The following DNAH10 variants were observed in gnomAD, a reference collection of about 807,000 sequenced individuals.
The protein encoded by DNAH10 is dynein axonemal heavy chain 10.
A neutral mutation model predicts 506.6 loss-of-function variants in DNAH10; 348 were observed. The observed-to-expected ratio is 0.69, with a 90% confidence interval of 0.63 to 0.75. The LOEUF is 0.75. Among genes scored for constraint, DNAH10 ranks in the 30% least tolerant of loss-of-function variants. The pLI is 0.00. For synonymous variants in DNAH10, 2,059 were observed against 2,198.6 expected, an observed-to-expected ratio of 0.94 and a Z score of 1.78; for missense variants, 5,179 against 5,787.1, an observed-to-expected ratio of 0.89 and a Z score of 3.41.
At chr12:123,852,036 G>C (rs571616397) in intron 35 of DNAH10, among the ~76,000 whole-genome samples, 26 of 152,256 alleles carry the variant, frequency 1.7e-4, no homozygotes, top group African/African-American at 6.0e-4. Flanking sequence ...CTCCCGAGTA[G>C]CTGGGACTAC....
chr12:123,933,351 C>T lies in DNAH10; in HGVS notation c.13317C>T (p.Ser4439=), dbSNP rs765240649. 7.5e-6 allele frequency: 12 copies of T among 1,594,006 alleles called. No homozygotes were observed. The highest frequency in any genetic ancestry group is 3.4e-5 in the Admixed American group (2 of 58,306). Residue 4439 remains serine (S), a synonymous_variant, in exon 77 of 79, where the codon AGC becomes AGT. Coordinates refer to ENST00000673944, the MANE Select transcript of DNAH10 (RefSeq NM_001372106.1). The part of the protein sequence containing the change: ...YMLWVTESEP[S]VMWLSGLHIP... ...TCCAGGTGACCGAGAGCGAGCCCAG[C>T]GTGATGTGGCTCTCGGGGCTGCACA... is the stretch of plus-strand genomic sequence containing the variant.
chr12:123,904,524 G>C (rs548849723), intron 57 of DNAH10, among the ~76,000 whole-genome samples: 4 of 152,074 alleles, frequency 2.6e-5, no homozygotes, highest in East Asian at 3.9e-4. Flanking sequence ...TGGAGGAGTG[G>C]GGGGGAGCTT....
chr12:123,930,573 G>A lies in DNAH10; in HGVS notation c.12784G>A (p.Glu4262Lys). Reference protein sequence around the residue: ...PVGDEKEKFVEAIEALPLANT... With the variant: ...PVGDEKEKFVKAIEALPLANT... ...TGGTGATGAAAAGGAGAAATTTGTT[G>A]GTGAGATTTCTCAGACATGAAAAGA... The change falls in exon 73 of 79, where the codon GAA becomes AAA. Residue 4262 changes from glutamate (E) to lysine (K), a missense_variant and splice_region_variant. Glu to Lys is a moderately conservative substitution (Grantham distance 56, BLOSUM62 1). Coordinates refer to ENST00000673944, the MANE Select transcript of DNAH10 (RefSeq NM_001372106.1). 1 of 1,605,066 alleles carries A rather than the reference G, an allele frequency of 6.2e-7. No individual in the cohort carries two copies. Among genetic ancestry groups the A allele is most frequent in the Non-Finnish European group, 8.5e-7 (1 of 1,177,560 alleles).
Position 123,820,601 on chromosome 12 carries a change from A to G in DNAH10, c.4022A>G (p.Tyr1341Cys). 6.2e-7 allele frequency: 1 copy of G among 1,613,952 alleles called. No individual in the cohort carries two copies. The highest frequency in any genetic ancestry group is 1.1e-5 in the South Asian group (1 of 91,082). ...LDKGVELLGV[Y>C]ERELARHEKS... Reference sequence around the variant, plus strand: ...CTAGGAGTAGAGCTTTTAGGTGTTTATGAAAGAGAGCTGGCAAGACATGAA... The same window carrying G: ...CTAGGAGTAGAGCTTTTAGGTGTTTGTGAAAGAGAGCTGGCAAGACATGAA... The change falls in exon 24 of 79, where the codon TAT becomes TGT. Residue 1341 changes from tyrosine to cysteine, a missense_variant. Around this residue, in one of 3 missense-constraint regions of DNAH10, gnomAD observed 4,844 missense variants for 5,430.5 expected, o/e 0.89. Coordinates refer to ENST00000673944, the MANE Select transcript of DNAH10 (RefSeq NM_001372106.1).
In DNAH10 at chr12:123,789,978, G is replaced by A. The variant is rs772303524; in HGVS notation, c.1672G>A (p.Gly558Arg). ...TGGTCCAGAACTAAAGGCAGTGACG[G>A]GGGACCCCAAGCGCATTGATGATGT... ...IFGPELKAVT[G>R]DPKRIDDVLC... is the part of the protein sequence containing the mutation. The change falls in exon 11 of 79, where the codon GGG becomes AGG. Residue 558 changes from glycine (G) to arginine (R), a missense_variant. By Grantham distance (125) the Gly-to-Arg change is moderately radical. Coordinates refer to ENST00000673944, the MANE Select transcript of DNAH10 (RefSeq NM_001372106.1). 4 of 1,613,964 alleles carry A rather than the reference G, an allele frequency of 2.5e-6. No homozygotes were observed. The African/African-American group carries it at 5.3e-5, about 22-fold the overall frequency.
At chr12:123,893,186 A>G (rs1297627188) in intron 52 of DNAH10, 47 bp from the exon 53 acceptor site, 5 of 1,584,916 alleles carry the variant, frequency 3.2e-6, no homozygotes, top group East Asian at 2.2e-5. Flanking sequence ...TAGAGCGGTC[A>G]TGACCCTGGG....
At position 123,934,618 on chromosome 12, in the gene DNAH10, T is replaced by C; in HGVS notation, c.13478-3T>C. The C allele has an allele frequency of 6.2e-7, 1 of 1,613,246 alleles. No individual in the cohort carries two copies. The highest frequency in any genetic ancestry group is 8.5e-7 in the Non-Finnish European group (1 of 1,179,620). ...GTATCCAGTCTCTGCCTTGTGTCCC[T>C]AGGATGCTTTGTCTCAGGACTGTAC... On this transcript the variant is annotated splice_region_variant and splice_polypyrimidine_tract_variant and intron_variant, in intron 77 of 78. Coordinates refer to ENST00000673944, the MANE Select transcript of DNAH10 (RefSeq NM_001372106.1).
intron 47 of DNAH10, among the ~76,000 whole-genome samples, chr12:123,877,071 C>T (rs941051337): frequency 6.6e-6 from 1 of 152,220 alleles, no homozygotes; most frequent in Admixed American, 6.5e-5. Flanking sequence ...CGTCTAACCC[C>T]AGAACATTTT....
rs1416526631 is a variant in DNAH10 at position 123,873,825 on chromosome 12, T to C, written c.7938+115T>C. 11 of 1,377,982 alleles carry C rather than the reference T, an allele frequency of 8.0e-6. No homozygotes were observed. The Admixed American group carries it at 2.3e-4, about 29-fold the overall frequency. 85.4% of individuals were successfully genotyped at this position (1,377,982 alleles called of 1,614,324 possible). A position where few individuals can be genotyped will look rare whatever the true frequency, so the allele number is the denominator to read the frequency against. ...AACATTGATCTTTACCTCTGTGCAA[T>C]GTCTGCAGGGTACAGGCTGCGGGGA... On this transcript the variant is annotated intron_variant, in intron 46 of 78. Coordinates refer to ENST00000673944, the MANE Select transcript of DNAH10 (RefSeq NM_001372106.1).
At chr12:123,924,862 C>T (rs1954871433) in intron 67 of DNAH10, among the ~76,000 whole-genome samples, 188 bp from the exon 68 acceptor site, 1 of 152,200 alleles carries the variant, frequency 6.6e-6, no homozygotes, top group African/African-American at 2.4e-5. Context: ...GTGAATAAGA[C>T]TCAGTTGCTC....
intron 3 of DNAH10, 78 bp downstream of exon 3, chr12:123,771,776 AG>A: frequency 2.5e-6 from 3 of 1,178,514 alleles, no homozygotes; most frequent in East Asian, 2.6e-5. Flanking sequence ...TAACTGACAT[AG>A]CCCCATCCAA....
chr12:123,890,806 G>A (rs113574232), intron 52 of DNAH10, among the ~76,000 whole-genome samples: 4,938 of 152,242 alleles, frequency 0.032, 244 homozygotes, highest in African/African-American at 0.11. Context: ...ATTTGGCTGT[G>A]GGTTGGGGGA....
intron 32 of DNAH10, among the ~76,000 whole-genome samples, chr12:123,847,389 C>T (rs891640661): frequency 5.5e-5 from 8 of 144,556 alleles, no homozygotes; most frequent in Non-Finnish European, 1.1e-4. Context: ...GAGGTATTGA[C>T]TCATGTGATG....
Position 123,844,094 on chromosome 12 carries a change from G to A in DNAH10, c.5361-1506G>A, listed in dbSNP as rs539402624. 2.6e-5 allele frequency among the ~76,000 whole-genome samples: 4 copies of A among 152,308 alleles called. No homozygotes were observed. The East Asian group carries it at 5.8e-4, about 22-fold the overall frequency. On this transcript the variant is annotated intron_variant, in intron 30 of 78. Transcript: ENST00000673944. Reference sequence around the variant, plus strand: ...GCCTCAGGAAACTTACAGTCATGGCGGAAGACAAAGGAAAAGCAAGTACCT... The same window carrying A: ...GCCTCAGGAAACTTACAGTCATGGCAGAAGACAAAGGAAAAGCAAGTACCT...
chr12:123,821,781 C>T (rs1285122949), intron 24 of DNAH10, among the ~76,000 whole-genome samples: 14 of 151,976 alleles, frequency 9.2e-5, no homozygotes, highest in South Asian at 4.2e-4. Context: ...TAAAAGTTGC[C>T]GTGTCAGCCT....
chr12:123,851,146 C>G (rs1414369205), intron 35 of DNAH10, 70 bp downstream of exon 35: 1 of 1,486,038 alleles, frequency 6.7e-7, no homozygotes, highest in African/African-American at 1.4e-5. Flanking sequence ...GACTGGGGAC[C>G]TAGGACGCGT....
At chr12:123,861,625 A>T (rs1951616625) in intron 39 of DNAH10, among the ~76,000 whole-genome samples, 1 of 152,260 alleles carries the variant, frequency 6.6e-6, no homozygotes, top group African/African-American at 2.4e-5. Flanking sequence ...GACGTGGTTG[A>T]TGGTGCCCTG....
rs781388037 is a variant in DNAH10, at chr12:123,909,427, G to C, written c.9982G>C (p.Val3328Leu). ...TTTTGATTCGATTACCCAGAGCCAA[G>C]TGAAAAACATCAAAGGTGAGTGTAG... Reference protein sequence around the residue: ...IDFDSITQSQVKNIKGLLKTL... With the variant: ...IDFDSITQSQLKNIKGLLKTL... Residue 3328 changes from valine to leucine, a missense_variant, in exon 58 of 79, where the codon GTG (valine) becomes CTG (leucine). Physicochemically the swap from Val to Leu is conservative, Grantham distance 32. Around this residue, in one of 3 missense-constraint regions of DNAH10, gnomAD observed 4,844 missense variants for 5,430.5 expected, o/e 0.89. Coordinates refer to ENST00000673944, the MANE Select transcript of DNAH10 (RefSeq NM_001372106.1). The surrounding 1 kb of genome is among the most constrained non-coding windows in gnomAD (Gnocchi z 5.4). 6.3e-7 allele frequency: 1 copy of C among 1,597,658 alleles called. No individual in the cohort carries two copies. Among genetic ancestry groups the C allele is most frequent in the Non-Finnish European group, 8.5e-7 (1 of 1,171,074 alleles).
In DNAH10 at chr12:123,794,041, C is replaced by T. The variant is rs374543371; in HGVS notation, c.1915C>T (p.Arg639Cys). ...FDMLLKFKHI[R>C]SREAVNRQMM... ...CATGCTTTTAAAATTTAAGCACATT[C>T]GTTCACGGGAGGCTGTTAATCGACA... Residue 639 changes from arginine to cysteine, a missense_variant, in exon 12 of 79, where the codon CGT (arginine) becomes TGT (cysteine). Arg to Cys is a radical substitution (Grantham distance 180, BLOSUM62 -3). This residue lies in a region of DNAH10 where 4,844 missense variants were observed against 5,430.5 expected (regional missense o/e 0.89). Transcript: ENST00000673944. 13 of 1,286,640 alleles carry T rather than the reference C, an allele frequency of 1.0e-5. No homozygotes were observed. In the East Asian group the frequency reaches 3.9e-4, roughly 39 times the overall value. 79.7% of individuals were successfully genotyped at this position (1,286,640 alleles called of 1,614,324 possible).
Sources: allele counts gnomAD v4.1 joint callset (sites outside exome capture counted in the v4.1 genomes callset), GRCh38; gene constraint gnomAD v4.1.1; regional missense constraint gnomAD v4.1.1; non-coding constraint Gnocchi (gnomAD v3.1); transcripts MANE v1.5; gene names NCBI Gene and HGNC (gene_info 2026-07-23, HGNC 2026-07-21).